NELL2: variants seen among roughly 807,000 people sequenced by gnomAD.
NELL2 encodes the protein protein kinase C-binding protein NELL2.
In NELL2, 41 loss-of-function variants were observed where a neutral mutation model predicts 109.6. The observed-to-expected ratio is 0.37, with a 90% confidence interval of 0.29 to 0.49. The LOEUF (loss-of-function observed/expected upper bound fraction) is 0.49, where lower values mean the gene tolerates loss of function less well. Among genes scored for constraint, NELL2 ranks in the 20% least tolerant of loss-of-function variants. NELL2 has a pLI of 0.98. For missense variants in NELL2, 900 were observed against 1,008.3 expected, an observed-to-expected ratio of 0.89 and a Z score of 1.45; for synonymous variants, 355 against 344.7, an observed-to-expected ratio of 1.03 and a Z score of -0.33.
chr12:44,764,741 T>G (rs1379906825), intron 9 of NELL2, among the ~76,000 whole-genome samples: 1 of 152,248 alleles, frequency 6.6e-6, no homozygotes, highest in East Asian at 1.9e-4. Context: ...TGGGAGCCAT[T>G]ATGAGAAACA....
chr12:44,725,654 C>A (rs1939034893), intron 9 of NELL2, among the ~76,000 whole-genome samples: 1 of 152,256 alleles, frequency 6.6e-6, no homozygotes, highest in Admixed American at 6.5e-5. Context: ...ACCTAAGCAC[C>A]ATGAAACACT....
chr12:44,608,392 T>G (rs184068979), intron 14 of NELL2, among the ~76,000 whole-genome samples: 111 of 152,116 alleles, frequency 7.3e-4, no homozygotes, highest in Non-Finnish European at 1.5e-3. Flanking sequence ...TGTCAGACCA[T>G]GTACATATTT....
rs940593057 is a variant in NELL2, at chr12:44,610,015, T to C, written c.1567+833A>G. On this transcript the variant is annotated intron_variant, in intron 14 of 19. Transcript: ENST00000429094. ...AAGGTCTTCTATTTCCCTTAGGAGG[T>C]AGGAGGGAAAGAGTACAGTGGGGGA... is the stretch of plus-strand genomic sequence containing the variant. 2.0e-5 allele frequency among the ~76,000 whole-genome samples: 3 copies of C among 151,498 alleles called. No individual in the cohort carries two copies. The South Asian group carries it at 6.2e-4, about 31-fold the overall frequency.
intron 2 of NELL2, among the ~76,000 whole-genome samples, chr12:44,818,722 C>CTTT (rs1555222479): frequency 1.2e-4 from 13 of 104,938 alleles, no homozygotes; most frequent in Admixed American, 3.1e-4. Context: ...ATTTTGTTCA[C>CTTT]TTATTTTTTT....
At position 44,542,631 on chromosome 12, in the gene NELL2, G is replaced by A. The variant is rs146893895; in HGVS notation, c.1664-9910C>T. 3.9e-5 allele frequency among the ~76,000 whole-genome samples: 6 copies of A among 152,190 alleles called. No homozygotes were observed. The East Asian group carries it at 7.7e-4, about 20-fold the overall frequency. On this transcript the variant is annotated intron_variant, in intron 15 of 19. Coordinates refer to ENST00000429094, the MANE Select transcript of NELL2 (RefSeq NM_001145108.2). ...CCCAAATCCAGTGACTGGTGTTTTC[G>A]TAAGAAAAGAACACAAAAGAAACAC...
chr12:44,660,661 C>T (rs1205289277), intron 13 of NELL2, among the ~76,000 whole-genome samples: 2 of 152,148 alleles, frequency 1.3e-5, no homozygotes, highest in Non-Finnish European at 2.9e-5. Context: ...ATCCCTTCTA[C>T]CCATCCATTC....
chr12:44,777,144 A>T lies in NELL2; in HGVS notation c.680-20T>A, dbSNP rs377242112. 6.2e-7 allele frequency: 1 copy of T among 1,613,466 alleles called. No homozygotes were observed. Among genetic ancestry groups the T allele is most frequent in the Non-Finnish European group, 8.5e-7 (1 of 1,179,552 alleles). ...GACAGGCTGGAATTACAAACACTAC[A>T]TTTGGTCAAGATGCATTTATAAGGG... is the stretch of plus-strand genomic sequence containing the variant. On this transcript the variant is annotated intron_variant, in intron 6 of 19. Coordinates refer to ENST00000429094, the MANE Select transcript of NELL2 (RefSeq NM_001145108.2).
At chr12:44,552,481 T>C (rs1943079725) in intron 15 of NELL2, among the ~76,000 whole-genome samples, 1 of 152,226 alleles carries the variant, frequency 6.6e-6, no homozygotes, top group Non-Finnish European at 1.5e-5. Context: ...ATAGACTGTA[T>C]TTATTGAATT....
intron 1 of NELL2, among the ~76,000 whole-genome samples, chr12:44,896,931 G>A (rs1019893229): frequency 6.6e-6 from 1 of 152,188 alleles, no homozygotes; most frequent in Non-Finnish European, 1.5e-5. Context: ...TTATTTTGAA[G>A]ATAATAGGAA....
At chr12:44,903,234 G>A (rs1289863190) in intron 1 of NELL2, among the ~76,000 whole-genome samples, 1 of 152,138 alleles carries the variant, frequency 6.6e-6, no homozygotes, top group African/African-American at 2.4e-5. Context: ...CAAAGGACAT[G>A]AACAGACGCT....
At chr12:44,819,037 C>T (rs559507609) in intron 2 of NELL2, among the ~76,000 whole-genome samples, 23 of 152,208 alleles carry the variant, frequency 1.5e-4, no homozygotes, top group East Asian at 3.9e-4. Context: ...CCACCGCGCC[C>T]GGCCAGTTCA....
chr12:44,671,423 A>C (rs144486008), intron 12 of NELL2, among the ~76,000 whole-genome samples: 2 of 152,198 alleles, frequency 1.3e-5, no homozygotes, highest in African/African-American at 4.8e-5. Context: ...TAGTAGAAGA[A>C]AAGAAATGAC....
At chr12:44,711,504 C>T (rs1938201926) in intron 10 of NELL2, 110 bp from the exon 11 acceptor site, 1 of 779,992 alleles carries the variant, frequency 1.3e-6, no homozygotes, top group African/African-American at 1.7e-5. Context: ...AATTTTTGTC[C>T]TGAGGACCTC....
At chr12:44,622,013 G>A (rs907772224) in intron 13 of NELL2, among the ~76,000 whole-genome samples, 1 of 152,112 alleles carries the variant, frequency 6.6e-6, no homozygotes, top group African/African-American at 2.4e-5. Context: ...TATACTTCTT[G>A]AGAAAGAAAA....
At chr12:44,753,118 C>T (rs538186964) in intron 9 of NELL2, among the ~76,000 whole-genome samples, 9 of 152,200 alleles carry the variant, frequency 5.9e-5, no homozygotes, top group Admixed American at 1.3e-4. Flanking sequence ...GTTACATGGC[C>T]GGCTCCTTCA....
At chr12:44,824,951 C>T (rs1027625716) in intron 2 of NELL2, among the ~76,000 whole-genome samples, 3 of 151,958 alleles carry the variant, frequency 2.0e-5, no homozygotes, top group Admixed American at 2.0e-4. Flanking sequence ...ACCTCGTGAT[C>T]CACCCATCTC....
chr12:44,747,431 C>A (rs1056726240), intron 9 of NELL2, among the ~76,000 whole-genome samples: 18 of 150,740 alleles, frequency 1.2e-4, no homozygotes, highest in Non-Finnish European at 2.2e-4. Flanking sequence ...CACATGTACC[C>A]TAAAACTTCA....
chr12:44,524,144 A>C (rs1451155434), intron 16 of NELL2, among the ~76,000 whole-genome samples: 1 of 152,112 alleles, frequency 6.6e-6, no homozygotes, highest in Non-Finnish European at 1.5e-5. Context: ...TAACTTTTCC[A>C]TTTCAGATTA....
At chr12:44,645,450 G>A (rs528941788) in intron 13 of NELL2, among the ~76,000 whole-genome samples, 1 of 152,126 alleles carries the variant, frequency 6.6e-6, no homozygotes, top group Non-Finnish European at 1.5e-5. Context: ...CTAAAACAAA[G>A]GACATGAATA....
Sources: allele counts gnomAD v4.1 joint callset (sites outside exome capture counted in the v4.1 genomes callset), GRCh38; gene constraint gnomAD v4.1.1; transcripts MANE v1.5; gene names NCBI Gene and HGNC (gene_info 2026-07-23, HGNC 2026-07-21).